The following RBPJ variants were observed in gnomAD, a reference collection of about 807,000 sequenced individuals.
The protein encoded by RBPJ is recombination signal binding protein for immunoglobulin kappa J region.
RBPJ carries 9 observed loss-of-function variants against 67.8 expected under a neutral mutation model. That is an observed-to-expected ratio of 0.13 (90% confidence interval 0.08 to 0.23). The LOEUF is 0.23. RBPJ is among the 10% of genes least tolerant of loss of function. RBPJ has a pLI of 1.00. For synonymous variants in RBPJ, 198 were observed against 203.3 expected (o/e 0.97, Z 0.22); for missense variants, 305 against 595.6 (o/e 0.51, Z 5.08).
intron 1 of RBPJ, among the ~76,000 whole-genome samples, chr4:26,356,357 C>T (rs1727377239): frequency 6.6e-6 from 1 of 152,164 alleles, no homozygotes; most frequent in Non-Finnish European, 1.5e-5. Context: ...TAAGTAGAGT[C>T]AGAGCTAGAT....
intron 5 of RBPJ, among the ~76,000 whole-genome samples, chr4:26,423,498 T>C (rs1735348435): frequency 6.6e-6 from 1 of 152,154 alleles, no homozygotes; most frequent in African/African-American, 2.4e-5. Context: ...AGAATGGTGA[T>C]CAGATTTAAG....
intron 1 of RBPJ, among the ~76,000 whole-genome samples, chr4:26,356,464 G>A (rs1476993630): frequency 3.9e-5 from 6 of 152,136 alleles, no homozygotes; most frequent in Admixed American, 2.6e-4. Flanking sequence ...CACAAATTTC[G>A]TTTCCTTCCC....
intron 2 of RBPJ, among the ~76,000 whole-genome samples, chr4:26,390,045 A>C (rs1450560467): frequency 6.6e-6 from 1 of 152,236 alleles, no homozygotes; most frequent in African/African-American, 2.4e-5. Context: ...AAGTCTTAAC[A>C]AATTTTCAAA....
chr4:26,115,605 C>T, the RBPJ span, among the ~76,000 whole-genome samples: 2 of 152,114 alleles, frequency 1.3e-5, no homozygotes, highest in African/African-American at 4.8e-5. Flanking sequence ...AGGATGGTCT[C>T]GATTTCCTGA....
At chr4:26,122,993 A>G in the RBPJ span, among the ~76,000 whole-genome samples, 1 of 152,206 alleles carries the variant, frequency 6.6e-6, no homozygotes, top group East Asian at 1.9e-4. Context: ...TAAACAAACA[A>G]GAAGCACACT....
intron 1 of RBPJ, among the ~76,000 whole-genome samples, chr4:26,215,324 AG>A (rs1374283591): frequency 1.9e-4 from 15 of 79,024 alleles, no homozygotes; most frequent in African/African-American, 7.4e-4. Flanking sequence ...AAAGAAAGAA[AG>A]AAAAAGAGAG....
chr4:26,350,134 AAT>A (rs1191589146), intron 1 of RBPJ, among the ~76,000 whole-genome samples: 1 of 152,186 alleles, frequency 6.6e-6, no homozygotes, highest in East Asian at 1.9e-4. Context: ...TGTAGTTGAG[AAT>A]GTTTTCCTGT....
At chr4:26,135,215 G>T in the RBPJ span, among the ~76,000 whole-genome samples, 1 of 152,106 alleles carries the variant, frequency 6.6e-6, no homozygotes, top group African/African-American at 2.4e-5. Flanking sequence ...CATTACTAAA[G>T]AAAACTGCAC....
chr4:26,202,480 T>G (rs962294038), intron 1 of RBPJ, among the ~76,000 whole-genome samples: 2 of 151,176 alleles, frequency 1.3e-5, no homozygotes, highest in Non-Finnish European at 2.9e-5. Context: ...CTCTTTCCTA[T>G]CTCAATAAAT....
intron 1 of RBPJ, among the ~76,000 whole-genome samples, chr4:26,345,933 A>G (rs970076295): frequency 1.3e-5 from 2 of 152,168 alleles, no homozygotes; most frequent in African/African-American, 4.8e-5. Context: ...TCTAAGCTCT[A>G]TAATGAAGCT....
chr4:26,231,946 C>T (rs1052235952), intron 1 of RBPJ, among the ~76,000 whole-genome samples: 2 of 151,638 alleles, frequency 1.3e-5, no homozygotes, highest in Admixed American at 6.6e-5. Flanking sequence ...GGCTGGAGTG[C>T]AGTGGTGCGA....
chr4:26,146,098 G>A, the RBPJ span, among the ~76,000 whole-genome samples: 5 of 151,994 alleles, frequency 3.3e-5, no homozygotes, highest in African/African-American at 7.3e-5. Flanking sequence ...AACCATGCCC[G>A]GCTACTTTTT....
the RBPJ span, among the ~76,000 whole-genome samples, chr4:26,109,454 CTCTCTCTATATATATATATATA>C: frequency 4.7e-5 from 1 of 21,080 alleles, no homozygotes. Context: ...CTCTCTCTCT[CTCTCTCTATATATATATATATA>C]TATATATATA....
chr4:26,247,231 G>A (rs919260611), intron 1 of RBPJ, among the ~76,000 whole-genome samples: 1 of 151,232 alleles, frequency 6.6e-6, no homozygotes, highest in Non-Finnish European at 1.5e-5. Context: ...ATTTTGACTG[G>A]ATTTAATAAC....
intron 1 of RBPJ, among the ~76,000 whole-genome samples, chr4:26,325,680 A>G (rs533489936): frequency 7.7e-4 from 117 of 152,328 alleles, no homozygotes; most frequent in African/African-American, 2.6e-3. Flanking sequence ...AGGATCCTCC[A>G]TAACTATTTC....
chr4:26,350,256 C>T (rs1367251595), intron 1 of RBPJ, among the ~76,000 whole-genome samples: 1 of 152,134 alleles, frequency 6.6e-6, no homozygotes, highest in Non-Finnish European at 1.5e-5. Flanking sequence ...AAATTTCTCA[C>T]ACTAGATAAT....
chr4:26,157,090 C>CAAA, the RBPJ span, among the ~76,000 whole-genome samples: 2 of 41,748 alleles, frequency 4.8e-5, no homozygotes, highest in African/African-American at 1.4e-4. Context: ...AACAAACAAA[C>CAAA]AAACAAACAA....
intron 1 of RBPJ, among the ~76,000 whole-genome samples, chr4:26,381,942 C>CA (rs1271191340): frequency 1.3e-5 from 2 of 152,154 alleles, no homozygotes; most frequent in African/African-American, 4.8e-5. Context: ...CTATACTTAG[C>CA]AAAAAGATAA....
intron 2 of RBPJ, among the ~76,000 whole-genome samples, chr4:26,403,955 C>T (rs1376754033): frequency 6.6e-6 from 1 of 152,116 alleles, no homozygotes; most frequent in Non-Finnish European, 1.5e-5. Context: ...TTTGAGGAAT[C>T]GCCATACTAC....
Sources: allele counts gnomAD v4.1 joint callset (sites outside exome capture counted in the v4.1 genomes callset), GRCh38; gene constraint gnomAD v4.1.1; transcripts MANE v1.5; gene names NCBI Gene and HGNC (gene_info 2026-07-23, HGNC 2026-07-21).